The following ARHGEF40 variants were observed in gnomAD, a reference collection of about 807,000 sequenced individuals.
ARHGEF40 encodes the protein Rho guanine nucleotide exchange factor 40.
In ARHGEF40, 98 loss-of-function variants were observed where a neutral mutation model predicts 165.9. The ratio of observed to expected loss-of-function variants is 0.59; its 90% CI spans 0.50 to 0.70. The LOEUF is 0.70. Among genes scored for constraint, ARHGEF40 ranks in the 30% least tolerant of loss-of-function variants. ARHGEF40 has a pLI of 0.00. For missense variants in ARHGEF40, 1,815 were observed against 1,968.0 expected, an observed-to-expected ratio of 0.92 and a Z score of 1.47; for synonymous variants, 792 against 814.3, an observed-to-expected ratio of 0.97 and a Z score of 0.47.
chr14:21,080,580 G>A (rs539303321), intron 11 of ARHGEF40, 80 bp from the exon 12 acceptor site: 4 of 1,484,574 alleles, frequency 2.7e-6, no homozygotes, highest in East Asian at 4.6e-5. Flanking sequence ...AGATTGGGGT[G>A]GTGGGGCTGA....
At chr14:21,084,961 G>A (rs903995174) in intron 18 of ARHGEF40, 38 bp downstream of exon 18, 2 of 1,597,470 alleles carry the variant, frequency 1.3e-6, no homozygotes, top group African/African-American at 1.3e-5. Context: ...GTGACAGGAA[G>A]TCATTCTCTT....
chr14:21,082,484 T>C lies in ARHGEF40; in HGVS notation c.3486+6T>C, dbSNP rs774088829. The C allele has an allele frequency of 1.3e-6, 2 of 1,571,556 alleles. No homozygotes were observed. Among genetic ancestry groups the C allele is most frequent in the Admixed American group, 1.8e-5 (1 of 55,672 alleles). On this transcript the variant is annotated splice_donor_region_variant and intron_variant, in intron 15 of 23. Coordinates refer to ENST00000298694, the MANE Select transcript of ARHGEF40 (RefSeq NM_018071.5). ...GGGCCTGCTTCCTTCGCCACGTGAG[T>C]GATCCCCTCAACTTCTTCCAAGTGC...
In ARHGEF40 at chr14:21,089,486, T is replaced by C. The variant is rs1888652016; in HGVS notation, c.*478T>C. On this transcript the variant is annotated 3_prime_UTR_variant, in exon 24 of 24. Coordinates refer to ENST00000298694, the MANE Select transcript of ARHGEF40 (RefSeq NM_018071.5). ...AGGGTGTGACAGGGGAACCGTAGAC[T>C]TTATATATGTAATTACTGTTATTAT... is the stretch of plus-strand genomic sequence containing the variant. 1 of 152,746 alleles carries C rather than the reference T, an allele frequency of 6.5e-6. No homozygotes were observed. Among genetic ancestry groups the C allele is most frequent in the Non-Finnish European group, 1.5e-5 (1 of 68,128 alleles). The allele number at this position is 152,746 out of a possible 1,614,324, so 9.5% of individuals were successfully genotyped here.
Position 21,084,923 on chromosome 14 carries a change from G to A in ARHGEF40, c.3960G>A (p.Lys1320=), listed in dbSNP as rs747907371. The A allele has an allele frequency of 1.9e-6, 3 of 1,613,556 alleles. No individual in the cohort carries two copies. Among genetic ancestry groups the A allele is most frequent in the Admixed American group, 3.3e-5 (2 of 59,948 alleles). The change falls in exon 18 of 24, where the codon AAG becomes AAA. Residue 1320 remains lysine, a splice_region_variant and synonymous_variant. Transcript: ENST00000298694. ...TGTTTGTTTACAAGCAGGCCTTTAA[G>A]GTACGATTCCTGGAGTGAGTGGTGG... ...SEMFVYKQAF[K]TADMGLTENI...
At chr14:21,064,699 CTG>C in the ARHGEF40 span, among the ~76,000 whole-genome samples, 3 of 152,202 alleles carry the variant, frequency 2.0e-5, no homozygotes, top group Admixed American at 2.0e-4. Flanking sequence ...GAACACAAAA[CTG>C]TTATTTTCAA....
chr14:21,074,428 C>A lies in ARHGEF40; in HGVS notation c.698C>A (p.Ala233Asp), dbSNP rs147702351. Residue 233 changes from alanine (A) to aspartate (D), a missense_variant, in exon 3 of 24, where the codon GCC becomes GAC. Physicochemically the swap from Ala to Asp is moderately radical, Grantham distance 126 (BLOSUM62 -2). Coordinates refer to ENST00000298694, the MANE Select transcript of ARHGEF40 (RefSeq NM_018071.5). This position sits in a 1 kb window ranked among gnomAD's most constrained non-coding sequence, Gnocchi z 4.8. The stretch of plus-strand genomic sequence containing the variant: ...CGGAGTCCTGGGGATGGGCACAATG[C>A]CCCTGTGGAAGGACCTGAGGGCGAG... The part of the protein sequence containing the change: ...GTRSPGDGHN[A>D]PVEGPEGEYV... 1.9e-6 allele frequency: 3 copies of A among 1,608,076 alleles called. No homozygotes were observed. The highest frequency in any genetic ancestry group is 2.7e-5 in the African/African-American group (2 of 74,768).
Position 21,078,240 on chromosome 14 carries a change from G to T in ARHGEF40, c.2098G>T (p.Glu700Ter). 6.2e-7 allele frequency: 1 copy of T among 1,614,060 alleles called. No homozygotes were observed. The highest frequency in any genetic ancestry group is 8.5e-7 in the Non-Finnish European group (1 of 1,179,996). The part of the protein sequence containing the change: ...VLGSVRQAIE[E>*]LEGAAEPEEE... ...GGGCTCGGTACGGCAGGCCATTGAG[G>T]AGCTGGAGGGAGCAGCAGAGCCAGA... Residue 700 changes from glutamate to a stop codon, truncating the protein, a stop_gained, in exon 9 of 24, where the codon GAG becomes TAG. Transcript: ENST00000298694. LOFTEE classifies it high-confidence loss of function.
intron 11 of ARHGEF40, among the ~76,000 whole-genome samples, chr14:21,079,644 G>A (rs1251310373): frequency 6.6e-6 from 1 of 152,168 alleles, no homozygotes; most frequent in African/African-American, 2.4e-5. Context: ...TTAGCCCCGA[G>A]CATGGTGAAT....
chr14:21,075,487 C>T lies in ARHGEF40; in HGVS notation c.1606C>T (p.Leu536Phe), dbSNP rs755284895. The change falls in exon 4 of 24, where the codon CTC becomes TTC. Residue 536 changes from leucine to phenylalanine, a missense_variant. By Grantham distance (22) the Leu-to-Phe change is conservative (BLOSUM62 0). Coordinates refer to ENST00000298694, the MANE Select transcript of ARHGEF40 (RefSeq NM_018071.5). This position sits in a 1 kb window ranked among gnomAD's most constrained non-coding sequence, Gnocchi z 4.5. ...TTGGGACTTGATGGCATCTGGATTCCTCATCCTGACGGGTCAGTGGGCATC... is the reference window on the plus strand; with the variant it reads ...TTGGGACTTGATGGCATCTGGATTCTTCATCCTGACGGGTCAGTGGGCATC... ...VAWDLMASGF[L>F]ILTGGVDQSG... The T allele has an allele frequency of 1.9e-6, 3 of 1,614,196 alleles. No homozygotes were observed. Among genetic ancestry groups the T allele is most frequent in the Non-Finnish European group, 1.7e-6 (2 of 1,180,038 alleles).
chr14:21,070,379 G>T lies in ARHGEF40; in HGVS notation c.-18G>T. 7.1e-7 allele frequency: 1 copy of T among 1,404,964 alleles called. No individual in the cohort carries two copies. The allele number at this position is 1,404,964 out of a possible 1,614,324, so 87.0% of individuals were successfully genotyped here. On this transcript the variant is annotated 5_prime_UTR_variant, in exon 1 of 24. Transcript: ENST00000298694. The surrounding 1 kb of genome is among the most constrained non-coding windows in gnomAD (Gnocchi z 4.7). ...CCGCCCGCCCGACCAAGCGTCGGAC[G>T]CGGCCCGGCGCCGAGCCATGGTGAG...
chr14:21,074,395 TG>T lies in ARHGEF40; in HGVS notation c.668del (p.Gly223ValfsTer24). 1 of 1,613,112 alleles carries T rather than the reference TG, an allele frequency of 6.2e-7. No homozygotes were observed. The highest frequency in any genetic ancestry group is 8.5e-7 in the Non-Finnish European group (1 of 1,179,678). ...AGCCCTCCACTTCCTGAGGAGGCGCTGGGTACCCGGAGTCCTGGGGATGGGC... is the reference window on the plus strand; with the variant it reads ...AGCCCTCCACTTCCTGAGGAGGCGCTGGTACCCGGAGTCCTGGGGATGGGC... ...LPSPPLPEEA[L>X]GTRSPGDGHN... On this transcript the variant is annotated frameshift_variant, in exon 3 of 24. Coordinates refer to ENST00000298694, the MANE Select transcript of ARHGEF40 (RefSeq NM_018071.5). LOFTEE classifies it high-confidence loss of function. The surrounding 1 kb of genome is among the most constrained non-coding windows in gnomAD (Gnocchi z 4.8).
Position 21,075,439 on chromosome 14 carries a change from G to T in ARHGEF40, c.1558G>T (p.Val520Phe), listed in dbSNP as rs150808592. Residue 520 changes from valine to phenylalanine, a missense_variant, in exon 4 of 24, where the codon GTC becomes TTC. Transcript: ENST00000298694. The surrounding 1 kb of genome is among the most constrained non-coding windows in gnomAD (Gnocchi z 4.5). ...TCCAGAAGAGGCCCTTGCAGTCTCC[G>T]TCTCTGATCACCCTGATGTAGCTTG... ...NIPEEALAVS[V>F]SDHPDVAWDL... is the part of the protein sequence containing the mutation. 1 of 1,614,190 alleles carries T rather than the reference G, an allele frequency of 6.2e-7. No individual in the cohort carries two copies.
upstream of ARHGEF40, among the ~76,000 whole-genome samples, chr14:21,067,742 A>G (rs759785277): frequency 3.6e-5 from 5 of 137,660 alleles, no homozygotes; most frequent in Admixed American, 7.9e-5. Flanking sequence ...ATCAACACAT[A>G]CTCTGTTGTG....
Position 21,082,288 on chromosome 14 carries a change from A to G in ARHGEF40, c.3296A>G (p.Asp1099Gly), listed in dbSNP as rs1434905047. ...TCTGAGCTGATTGCCTGTGAACAAG[A>G]TTACGTGGCCACCTTGAGTGAGCCA... Reference protein sequence around the residue: ...LVSELIACEQDYVATLSEPVP... With the variant: ...LVSELIACEQGYVATLSEPVP... The change falls in exon 15 of 24, where the codon GAT becomes GGT. Residue 1099 changes from aspartate to glycine, a missense_variant. Coordinates refer to ENST00000298694, the MANE Select transcript of ARHGEF40 (RefSeq NM_018071.5). 3.7e-6 allele frequency: 6 copies of G among 1,612,962 alleles called. No homozygotes were observed. Among genetic ancestry groups the G allele is most frequent in the African/African-American group, 1.3e-5 (1 of 74,894 alleles).
In ARHGEF40 at chr14:21,070,914, T is replaced by G; in HGVS notation, c.3+515T>G. Reference sequence around the variant, plus strand: ...GGCCCTAGGGGACTGGCCACAGCTGTGGCTGGGCCGGGTCCCGGGGCATGG... The same window carrying G: ...GGCCCTAGGGGACTGGCCACAGCTGGGGCTGGGCCGGGTCCCGGGGCATGG... On this transcript the variant is annotated intron_variant, in intron 1 of 23. Transcript: ENST00000298694. The surrounding 1 kb of genome is among the most constrained non-coding windows in gnomAD (Gnocchi z 4.7). 1.3e-4 allele frequency: 181 copies of G among 1,430,754 alleles called. No homozygotes were observed. Among genetic ancestry groups the G allele is most frequent in the Non-Finnish European group, 1.5e-4 (160 of 1,052,260 alleles). 88.6% of individuals were successfully genotyped at this position (1,430,754 alleles called of 1,614,324 possible). A position where few individuals can be genotyped will look rare whatever the true frequency, so the allele number is the denominator to read the frequency against.
chr14:21,065,762 C>G (rs1382113310), upstream of ARHGEF40, among the ~76,000 whole-genome samples: 1 of 152,036 alleles, frequency 6.6e-6, no homozygotes, highest in Non-Finnish European at 1.5e-5. Context: ...CAAAAAGGTG[C>G]CAAATTAAGC....
Position 21,081,773 on chromosome 14 carries a change from C to T in ARHGEF40, c.2905C>T (p.Arg969Trp), listed in dbSNP as rs774282647. Residue 969 changes from arginine (R) to tryptophan (W), a missense_variant, in exon 14 of 24, where the codon CGG (arginine) becomes TGG (tryptophan). Transcript: ENST00000298694. ...EASPRGYRRR[R>W]ADGASSGGAQ... The stretch of plus-strand genomic sequence containing the variant: ...GAGCCCACGGGGCTACCGACGACGG[C>T]GGGCAGACGGTGCCAGCAGTGGAGG... 22 of 1,590,180 alleles carry T rather than the reference C, an allele frequency of 1.4e-5. No homozygotes were observed. Among genetic ancestry groups the T allele is most frequent in the Admixed American group, 8.8e-5 (5 of 56,548 alleles).
At chr14:21,067,121 G>C (rs1886308928), upstream of ARHGEF40, among the ~76,000 whole-genome samples, 1 of 152,156 alleles carries the variant, frequency 6.6e-6, no homozygotes, top group African/African-American at 2.4e-5. Flanking sequence ...GGCAGTCATA[G>C]CTCTTGGTGC....
chr14:21,087,587 G>C (rs186327016), intron 21 of ARHGEF40, 124 bp downstream of exon 21: 3 of 1,363,172 alleles, frequency 2.2e-6, no homozygotes, highest in African/African-American at 2.9e-5. Flanking sequence ...ACTATGTACA[G>C]CTTCCCCACC....
Sources: allele counts gnomAD v4.1 joint callset (sites outside exome capture counted in the v4.1 genomes callset), GRCh38; gene constraint gnomAD v4.1.1; non-coding constraint Gnocchi (gnomAD v3.1); transcripts MANE v1.5; gene names NCBI Gene and HGNC (gene_info 2026-07-23, HGNC 2026-07-21).